TMEM201: variants seen among roughly 807,000 people sequenced by gnomAD.
TMEM201 encodes RP13-15M17.2.
A neutral mutation model predicts 63.4 loss-of-function variants in TMEM201; 26 were observed. The observed-to-expected ratio is 0.41, with a 90% CI of 0.30 to 0.57. TMEM201 has a LOEUF of 0.57. Ranked by LOEUF, TMEM201 falls within the 20% of genes least tolerant of loss-of-function variation. The pLI, the probability that TMEM201 is intolerant of heterozygous loss-of-function variation, is 0.29. For missense variants in TMEM201, 794 were observed against 917.7 expected (o/e 0.87, Z 1.74); for synonymous variants, 417 against 421.6 (o/e 0.99, Z 0.14).
chr1:9,591,802 A>G (rs188634325), intron 1 of TMEM201, among the ~76,000 whole-genome samples: 1 of 151,006 alleles, frequency 6.6e-6, no homozygotes, highest in Non-Finnish European at 1.5e-5. Flanking sequence ...GCTGCTGCGC[A>G]CTCTCCCTGA....
Position 9,614,542 on chromosome 1 carries a change from T to A in TMEM201, c.*1459T>A, listed in dbSNP as rs1422029001. 4 of 152,156 alleles carry A rather than the reference T, an allele frequency of 2.6e-5. No homozygotes were observed. Among genetic ancestry groups the A allele is most frequent in the Non-Finnish European group, 4.4e-5 (3 of 68,034 alleles). 9.4% of individuals were successfully genotyped at this position (152,156 alleles called of 1,614,324 possible). On this transcript the variant is annotated 3_prime_UTR_variant, in exon 11 of 11. Transcript: ENST00000340381. ...CCAGGACAGCATCAGGACTTTTGAG[T>A]CCAGCTGCCAGCAATGGTTCCAACT... is the stretch of plus-strand genomic sequence containing the variant.
rs1644359186 is a variant in TMEM201 at position 9,614,017 on chromosome 1, C to T, written c.*934C>T. 1 of 152,290 alleles carries T rather than the reference C, an allele frequency of 6.6e-6. No homozygotes were observed. The highest frequency in any genetic ancestry group is 1.5e-5 in the Non-Finnish European group (1 of 68,106). The allele number at this position is 152,290 out of a possible 1,614,324, so 9.4% of individuals were successfully genotyped here. A position where few individuals can be genotyped will look rare whatever the true frequency, so the allele number is the denominator to read the frequency against. ...TCTTCCCCTGGTTCTCTTGCCCACT[C>T]CCCTGCTGGGGCTCCTTCCTGGCAC... is the stretch of plus-strand genomic sequence containing the variant. On this transcript the variant is annotated 3_prime_UTR_variant, in exon 11 of 11. Coordinates refer to ENST00000340381, the MANE Select transcript of TMEM201 (RefSeq NM_001130924.3).
chr1:9,600,397 G>A (rs1644114722), intron 4 of TMEM201, among the ~76,000 whole-genome samples: 1 of 152,134 alleles, frequency 6.6e-6, no homozygotes, highest in African/African-American at 2.4e-5. Flanking sequence ...TGGGTCCAGG[G>A]CTTAGGAGTG....
intron 4 of TMEM201, among the ~76,000 whole-genome samples, chr1:9,599,340 C>T (rs1393524550): frequency 2.0e-5 from 3 of 151,828 alleles, no homozygotes; most frequent in South Asian, 2.1e-4. Context: ...CTCTTCCTCC[C>T]GGGTTCAAGC....
At chr1:9,593,381 A>G (rs1643954502) in intron 1 of TMEM201, among the ~76,000 whole-genome samples, 1 of 152,252 alleles carries the variant, frequency 6.6e-6, no homozygotes. Flanking sequence ...CCCCAAAGGC[A>G]CTGTGGGAGA....
At chr1:9,612,853 G>A (rs1644343299) in intron 10 of TMEM201, 133 bp from the exon 11 acceptor site, 2 of 723,604 alleles carry the variant, frequency 2.8e-6, no homozygotes, top group African/African-American at 3.5e-5. Context: ...TTGGGGGTGA[G>A]CCTCACCAGT....
At chr1:9,596,512 G>A (rs1433040154) in intron 2 of TMEM201, among the ~76,000 whole-genome samples, 1 of 152,182 alleles carries the variant, frequency 6.6e-6, no homozygotes, top group Non-Finnish European at 1.5e-5. Context: ...CTCCTCCACG[G>A]GTCATAGTGT....
In TMEM201 at chr1:9,614,683, C is replaced by T. The variant is rs2100538865; in HGVS notation, c.*1600C>T. 1 of 152,376 alleles carries T rather than the reference C, an allele frequency of 6.6e-6. No homozygotes were observed. The highest frequency in any genetic ancestry group is 1.5e-5 in the Non-Finnish European group (1 of 68,044). The allele number at this position is 152,376 out of a possible 1,614,324, so 9.4% of individuals were successfully genotyped here. On this transcript the variant is annotated 3_prime_UTR_variant, in exon 11 of 11. Coordinates refer to ENST00000340381, the MANE Select transcript of TMEM201 (RefSeq NM_001130924.3). ...TCCCAAATGCACTCCATCTCTGGCT[C>T]TGAGGGCGCTCCCTCCTCTCAGCCG...
At position 9,611,804 on chromosome 1, in the gene TMEM201, A is replaced by G; in HGVS notation, c.1817A>G (p.Lys606Arg). 1 of 1,551,140 alleles carries G rather than the reference A, an allele frequency of 6.4e-7. No homozygotes were observed. The highest frequency in any genetic ancestry group is 8.7e-7 in the Non-Finnish European group (1 of 1,147,028). Reference sequence around the variant, plus strand: ...AGTGCCTGCAGCAACCGCTCCATCAAGAAAGAGGACGACTCTTCCCAGTCA... The same window carrying G: ...AGTGCCTGCAGCAACCGCTCCATCAGGAAAGAGGACGACTCTTCCCAGTCA... ...RGSACSNRSI[K>R]KEDDSSQSST... Residue 606 changes from lysine (K) to arginine (R), a missense_variant, in exon 10 of 11, where the codon AAG (lysine) becomes AGG (arginine). Transcript: ENST00000340381.
In TMEM201 at chr1:9,613,878, C is replaced by T. The variant is rs1328290691; in HGVS notation, c.*795C>T. 2.0e-5 allele frequency: 3 copies of T among 152,308 alleles called. No homozygotes were observed. The highest frequency in any genetic ancestry group is 6.5e-5 in the Admixed American group (1 of 15,276). 9.4% of individuals were successfully genotyped at this position (152,308 alleles called of 1,614,324 possible). On this transcript the variant is annotated 3_prime_UTR_variant, in exon 11 of 11. Coordinates refer to ENST00000340381, the MANE Select transcript of TMEM201 (RefSeq NM_001130924.3). ...AACTGCAGGGCAGGCTGGCGGGGGGCCTTCAGATCTCAGATGAGACTGCAC... is the reference window on the plus strand; with the variant it reads ...AACTGCAGGGCAGGCTGGCGGGGGGTCTTCAGATCTCAGATGAGACTGCAC...
intron 9 of TMEM201, 66 bp from the exon 10 acceptor site, chr1:9,611,687 C>T: frequency 6.5e-7 from 1 of 1,541,054 alleles, no homozygotes; most frequent in Admixed American, 2.0e-5. Flanking sequence ...GGAAGTACAG[C>T]TGCCCCGCGT....
Position 9,605,534 on chromosome 1 carries a change from G to A in TMEM201, c.1161-2023G>A, listed in dbSNP as rs191092137. Among the ~76,000 whole-genome samples the A allele has an allele frequency of 2.6e-5, 4 of 152,198 alleles. No homozygotes were observed. The highest frequency in any genetic ancestry group is 5.9e-5 in the Non-Finnish European group (4 of 68,030). ...AACAGATTGGGCTCCTTTAGCTGGC[G>A]GAGGCTCGCTGGGGCGCCTGTACAG... On this transcript the variant is annotated intron_variant, in intron 6 of 10. Coordinates refer to ENST00000340381, the MANE Select transcript of TMEM201 (RefSeq NM_001130924.3). The surrounding 1 kb of genome is among the most constrained non-coding windows in gnomAD (Gnocchi z 5.7).
chr1:9,595,923 G>A lies in TMEM201; in HGVS notation c.147G>A (p.Trp49Ter). ...MKPTHTMVNCWFCNQDTLVPY... is the reference protein window; with the variant it reads ...MKPTHTMVNC Reference sequence around the variant, plus strand: ...CAACGCACACGATGGTCAACTGCTGGTTCTGCAACCAGGATACGCTGGTGC... The same window carrying A: ...CAACGCACACGATGGTCAACTGCTGATTCTGCAACCAGGATACGCTGGTGC... The change falls in exon 2 of 11, where the codon TGG (tryptophan) becomes TGA (stop). Residue 49 changes from tryptophan (W) to a stop codon, truncating the protein, a stop_gained. Transcript: ENST00000340381. LOFTEE classifies it high-confidence loss of function. 6.2e-7 allele frequency: 1 copy of A among 1,613,704 alleles called. No individual in the cohort carries two copies. The highest frequency in any genetic ancestry group is 8.5e-7 in the Non-Finnish European group (1 of 1,180,010).
Position 9,603,290 on chromosome 1 carries a change from GA to G in TMEM201, c.1160+1019del. ...AGTTTGCCATCTATGAAATGAGGTG[GA>G]CCCCTCTCCATAGCCCTTGGGTGCC... On this transcript the variant is annotated intron_variant, in intron 6 of 10. Coordinates refer to ENST00000340381, the MANE Select transcript of TMEM201 (RefSeq NM_001130924.3). The surrounding 1 kb of genome is among the most constrained non-coding windows in gnomAD (Gnocchi z 4.5). 1.0e-6 allele frequency: 1 copy of G among 984,426 alleles called. No homozygotes were observed. Among genetic ancestry groups the G allele is most frequent in the Non-Finnish European group, 1.2e-6 (1 of 828,994 alleles). 61.0% of individuals were successfully genotyped at this position (984,426 alleles called of 1,614,324 possible). A position where few individuals can be genotyped will look rare whatever the true frequency, so the allele number is the denominator to read the frequency against.
rs1644228022 is a variant in TMEM201, at chr1:9,605,560, AGCCCAGCCCCTCAT to A, written c.1161-1987_1161-1974del. Among the ~76,000 whole-genome samples the A allele has an allele frequency of 6.6e-6, 1 of 152,004 alleles. No individual in the cohort carries two copies. Among genetic ancestry groups the A allele is most frequent in the African/African-American group, 2.4e-5 (1 of 41,460 alleles). On this transcript the variant is annotated intron_variant, in intron 6 of 10. Coordinates refer to ENST00000340381, the MANE Select transcript of TMEM201 (RefSeq NM_001130924.3). This position sits in a 1 kb window ranked among gnomAD's most constrained non-coding sequence, Gnocchi z 5.7. ...GAGGCTCGCTGGGGCGCCTGTACAG[AGCCCAGCCCCTCAT>A]GCCCAGCCCTGTGAGCGATTTACGA...
chr1:9,597,309 G>A (rs1000682237), intron 3 of TMEM201, among the ~76,000 whole-genome samples: 1 of 152,224 alleles, frequency 6.6e-6, no homozygotes, highest in Non-Finnish European at 1.5e-5. Context: ...TGCTATCGGG[G>A]TTCCAAGCCT....
rs532504324 is a variant in TMEM201 at position 9,607,914 on chromosome 1, A to G, written c.1393+125A>G. On this transcript the variant is annotated intron_variant, in intron 7 of 10. Coordinates refer to ENST00000340381, the MANE Select transcript of TMEM201 (RefSeq NM_001130924.3). The surrounding 1 kb of genome is among the most constrained non-coding windows in gnomAD (Gnocchi z 5.4). Reference sequence around the variant, plus strand: ...TGTTCCTGCTGCAGAGACAGGCAGCACAGAGCTTTGAGCCTCAGTTCCCCC... The same window carrying G: ...TGTTCCTGCTGCAGAGACAGGCAGCGCAGAGCTTTGAGCCTCAGTTCCCCC... The G allele has an allele frequency of 5.3e-6, 5 of 943,742 alleles. No homozygotes were observed. The African/African-American group carries it at 8.3e-5, about 16-fold the overall frequency. 58.5% of individuals were successfully genotyped at this position (943,742 alleles called of 1,614,324 possible).
At chr1:9,601,701 G>T (rs966418265) in intron 5 of TMEM201, among the ~76,000 whole-genome samples, 1 of 152,160 alleles carries the variant, frequency 6.6e-6, no homozygotes, top group African/African-American at 2.4e-5. Flanking sequence ...TCCTCCTCGG[G>T]CTCTGTCAAA....
At chr1:9,596,107 G>A in intron 2 of TMEM201, 97 bp downstream of exon 2, 1 of 1,485,850 alleles carries the variant, frequency 6.7e-7, no homozygotes, top group Non-Finnish European at 9.1e-7. Context: ...CTGCCCCGGG[G>A]CTCATGGACC....
Sources: gnomAD v4.1 joint callset for allele counts (sites outside exome capture counted in the v4.1 genomes callset) on GRCh38, gnomAD v4.1.1 for gene constraint, Gnocchi (gnomAD v3.1) non-coding constraint, MANE v1.5 for transcripts, NCBI Gene and HGNC (gene_info 2026-07-23, HGNC 2026-07-21) for gene names.